The following GALNT18 variants were observed in gnomAD, a reference collection of about 807,000 sequenced individuals.
GALNT18 encodes GalNAc-transferase 18.
A neutral mutation model predicts 69.5 loss-of-function variants in GALNT18; 44 were observed. The ratio of observed to expected loss-of-function variants is 0.63; its 90% CI spans 0.50 to 0.81. GALNT18 has a LOEUF of 0.81. Ranked by LOEUF, GALNT18 falls within the 40% of genes least tolerant of loss-of-function variation. The probability of loss-of-function intolerance (pLI) is 0.00; values close to 1 mark genes in which losing one functional copy is unlikely to be tolerated. For synonymous variants in GALNT18, 364 were observed against 318.2 expected (o/e 1.14, Z -1.53); for missense variants, 715 against 810.0 (o/e 0.88, Z 1.42).
At chr11:11,448,627 G>T in intron 2 of GALNT18, 117 bp downstream of exon 2, 1 of 759,582 alleles carries the variant, frequency 1.3e-6, no homozygotes. Flanking sequence ...GGCCCTGGCT[G>T]AAGCAGGAAA....
rs755200970 is a variant in GALNT18, at chr11:11,488,241, G to A, written c.236-39305C>T. On this transcript the variant is annotated intron_variant, in intron 1 of 10. Coordinates refer to ENST00000227756, the MANE Select transcript of GALNT18 (RefSeq NM_198516.3). ...TGGGCTAAAATCAAAGGGTCAGCAGGGCTGTACTCCTCCTGCAGGCTCTCG... is the reference window on the plus strand; with the variant it reads ...TGGGCTAAAATCAAAGGGTCAGCAGAGCTGTACTCCTCCTGCAGGCTCTCG... 8.4e-4 allele frequency among the ~76,000 whole-genome samples: 128 copies of A among 152,220 alleles called. 1 individual carries two copies. The highest frequency in any genetic ancestry group is 1.2e-3 in the Admixed American group (19 of 15,296).
intron 1 of GALNT18, among the ~76,000 whole-genome samples, chr11:11,485,045 C>T (rs921982555): frequency 6.6e-6 from 1 of 152,218 alleles, no homozygotes; most frequent in Non-Finnish European, 1.5e-5. Context: ...ATGTGATCAT[C>T]ATGCCAATCT....
intron 10 of GALNT18, among the ~76,000 whole-genome samples, chr11:11,279,539 T>C (rs922653691): frequency 6.6e-6 from 1 of 152,206 alleles, no homozygotes; most frequent in African/African-American, 2.4e-5. Flanking sequence ...AGCAGACATA[T>C]AACTCACGGT....
intron 6 of GALNT18, among the ~76,000 whole-genome samples, chr11:11,371,728 T>G (rs2133674617): frequency 6.6e-6 from 1 of 152,250 alleles, no homozygotes; most frequent in Non-Finnish European, 1.5e-5. Context: ...TAGGACAAGA[T>G]CCTTTGTTGT....
chr11:11,490,636 C>T (rs1220051714), intron 1 of GALNT18, among the ~76,000 whole-genome samples: 1 of 152,146 alleles, frequency 6.6e-6, no homozygotes, highest in Non-Finnish European at 1.5e-5. Flanking sequence ...TTTCAAATGG[C>T]CAATGGTGTG....
chr11:11,611,714 G>A (rs1455939815), intron 1 of GALNT18, among the ~76,000 whole-genome samples: 3 of 152,132 alleles, frequency 2.0e-5, no homozygotes, highest in Admixed American at 6.5e-5. Context: ...CACTCAGCCC[G>A]GTGCCTGGGA....
At chr11:11,440,648 G>A (rs527367495) in intron 2 of GALNT18, among the ~76,000 whole-genome samples, 25 of 152,350 alleles carry the variant, frequency 1.6e-4, no homozygotes, top group African/African-American at 6.0e-4. Context: ...GTCTGGCCCT[G>A]CTCTCATCTA....
intron 5 of GALNT18, among the ~76,000 whole-genome samples, chr11:11,374,360 C>G (rs1850987457): frequency 6.6e-6 from 1 of 152,210 alleles, no homozygotes; most frequent in African/African-American, 2.4e-5. Context: ...GCCTCTGGGA[C>G]ATAACTGGCA....
rs1339885238 is a variant in GALNT18 at position 11,435,293 on chromosome 11, C to T, written c.429-2506G>A. Among the ~76,000 whole-genome samples, 1 of 152,182 alleles carries T rather than the reference C, an allele frequency of 6.6e-6. No individual in the cohort carries two copies. Among genetic ancestry groups the T allele is most frequent in the African/African-American group, 2.4e-5 (1 of 41,450 alleles). On this transcript the variant is annotated intron_variant, in intron 2 of 10. Transcript: ENST00000227756. The surrounding 1 kb of genome is among the most constrained non-coding windows in gnomAD (Gnocchi z 4.4). ...TACTTCTGAACGTGGTGCCCAGTCT[C>T]CCCCTTCTGAGGAGACCAATTTTAA... is the stretch of plus-strand genomic sequence containing the variant.
Position 11,341,325 on chromosome 11 carries a change from C to A in GALNT18, c.1093-321G>T, listed in dbSNP as rs573523399. Reference sequence around the variant, plus strand: ...ACATTTTGTTCCAAAGATCTGAATTCTCCTTGCACTTGGGGGAGAAGTTAA... The same window carrying A: ...ACATTTTGTTCCAAAGATCTGAATTATCCTTGCACTTGGGGGAGAAGTTAA... On this transcript the variant is annotated intron_variant, in intron 6 of 10. Transcript: ENST00000227756. This position sits in a 1 kb window ranked among gnomAD's most constrained non-coding sequence, Gnocchi z 6.3. 6.6e-6 allele frequency among the ~76,000 whole-genome samples: 1 copy of A among 152,186 alleles called. No homozygotes were observed. The highest frequency in any genetic ancestry group is 1.5e-5 in the Non-Finnish European group (1 of 68,038).
At chr11:11,282,973 A>G (rs751357719) in intron 10 of GALNT18, among the ~76,000 whole-genome samples, 1 of 152,074 alleles carries the variant, frequency 6.6e-6, no homozygotes, top group Admixed American at 6.5e-5. Flanking sequence ...CGGCAAGTGT[A>G]AGAGGTGGCC....
chr11:11,541,525 T>C lies in GALNT18; in HGVS notation c.235+79834A>G, dbSNP rs973455183. On this transcript the variant is annotated intron_variant, in intron 1 of 10. Coordinates refer to ENST00000227756, the MANE Select transcript of GALNT18 (RefSeq NM_198516.3). This position sits in a 1 kb window ranked among gnomAD's most constrained non-coding sequence, Gnocchi z 4.8. ...CCACTTTCTACTTAAAATTCTTCCATGGCTCTCCAAGGCTTGCAGGATCCA... is the reference window on the plus strand; with the variant it reads ...CCACTTTCTACTTAAAATTCTTCCACGGCTCTCCAAGGCTTGCAGGATCCA... 2.6e-5 allele frequency among the ~76,000 whole-genome samples: 4 copies of C among 152,276 alleles called. No homozygotes were observed. Among genetic ancestry groups the C allele is most frequent in the African/African-American group, 9.6e-5 (4 of 41,552 alleles).
Position 11,591,159 on chromosome 11 carries a change from C to CGTGT in GALNT18, c.235+30196_235+30199dup, listed in dbSNP as rs142063535. 0.072 allele frequency among the ~76,000 whole-genome samples: 10,757 copies of CGTGT among 148,932 alleles called. 440 individuals carry two copies. The highest frequency in any genetic ancestry group is 0.09 in the Non-Finnish European group (6,038 of 67,366). ...TGCTGACTCTGTAGGCCTAGGCTAC[C>CGTGT]GTGTGTGTGTGTGTGTGTGTGTGTG... is the stretch of plus-strand genomic sequence containing the variant. On this transcript the variant is annotated intron_variant, in intron 1 of 10. Transcript: ENST00000227756. The surrounding 1 kb of genome is among the most constrained non-coding windows in gnomAD (Gnocchi z 4.8).
intron 9 of GALNT18, among the ~76,000 whole-genome samples, chr11:11,310,028 C>T (rs1181115376): frequency 6.6e-6 from 1 of 152,222 alleles, no homozygotes; most frequent in Non-Finnish European, 1.5e-5. Flanking sequence ...CTCCTTTCAA[C>T]CCCACATCCC....
At position 11,587,716 on chromosome 11, in the gene GALNT18, C is replaced by A. The variant is rs1859259477; in HGVS notation, c.235+33643G>T. Among the ~76,000 whole-genome samples, 1 of 152,124 alleles carries A rather than the reference C, an allele frequency of 6.6e-6. No individual in the cohort carries two copies. Among genetic ancestry groups the A allele is most frequent in the South Asian group, 2.1e-4 (1 of 4,818 alleles). On this transcript the variant is annotated intron_variant, in intron 1 of 10. Transcript: ENST00000227756. The surrounding 1 kb of genome is among the most constrained non-coding windows in gnomAD (Gnocchi z 4.4). ...TATAACAAGGAAAATTAACAGGCAACATTTCCCCTTGACTTCCCCTGGTAG... is the reference window on the plus strand; with the variant it reads ...TATAACAAGGAAAATTAACAGGCAAAATTTCCCCTTGACTTCCCCTGGTAG...
intron 9 of GALNT18, among the ~76,000 whole-genome samples, chr11:11,297,549 G>A (rs575602576): frequency 6.6e-6 from 1 of 152,284 alleles, no homozygotes; most frequent in East Asian, 1.9e-4. Flanking sequence ...GCTGGGAGGG[G>A]CAGGGGGAGC....
intron 6 of GALNT18, among the ~76,000 whole-genome samples, chr11:11,354,881 C>A (rs535362544): frequency 6.6e-6 from 1 of 152,124 alleles, no homozygotes; most frequent in Non-Finnish European, 1.5e-5. Context: ...ATCTAATAGC[C>A]GAAGCCTGTA....
chr11:11,305,000 G>A (rs543168330), intron 9 of GALNT18, among the ~76,000 whole-genome samples: 1 of 152,270 alleles, frequency 6.6e-6, no homozygotes, highest in African/African-American at 2.4e-5. Context: ...TAAGATGACT[G>A]ATAAAGAAAC....
chr11:11,438,890 T>C (rs1855471557), intron 2 of GALNT18, among the ~76,000 whole-genome samples: 1 of 152,204 alleles, frequency 6.6e-6, no homozygotes. Flanking sequence ...CACTCCTGCC[T>C]CTGGGATGTA....
Sources: allele counts gnomAD v4.1 joint callset (sites outside exome capture counted in the v4.1 genomes callset), GRCh38; gene constraint gnomAD v4.1.1; non-coding constraint Gnocchi (gnomAD v3.1); transcripts MANE v1.5; gene names NCBI Gene and HGNC (gene_info 2026-07-23, HGNC 2026-07-21).